Variants in CREB3L2 observed in about 807,000 individuals in gnomAD.
CREB3L2 encodes cyclic AMP-responsive element-binding protein 3-like protein 2.
In CREB3L2, 23 loss-of-function variants were observed where a neutral mutation model predicts 57.2. The ratio of observed to expected loss-of-function variants is 0.40; its 90% CI spans 0.29 to 0.57. The LOEUF is 0.57. CREB3L2 is among the 20% of genes least tolerant of loss of function. The pLI is 0.42. For synonymous variants in CREB3L2, 268 were observed against 265.1 expected, an observed-to-expected ratio of 1.01 and a Z score of -0.11; for missense variants, 628 against 634.7, an observed-to-expected ratio of 0.99 and a Z score of 0.11.
At chr7:137,974,378 G>C (rs1013158009) in intron 1 of CREB3L2, among the ~76,000 whole-genome samples, 1 of 152,218 alleles carries the variant, frequency 6.6e-6, no homozygotes, top group East Asian at 1.9e-4. Flanking sequence ...AGGGAAAAGG[G>C]TGAAAAGAGT....
chr7:137,904,147 A>G, intron 6 of CREB3L2, 130 bp from the exon 7 acceptor site: 1 of 752,940 alleles, frequency 1.3e-6, no homozygotes, highest in East Asian at 2.5e-5. Context: ...CCATTTGTTT[A>G]AGCTGCTGGT....
intron 1 of CREB3L2, among the ~76,000 whole-genome samples, chr7:137,989,893 C>T (rs1563275312): frequency 6.6e-6 from 1 of 152,158 alleles, no homozygotes; most frequent in African/African-American, 2.4e-5. Context: ...TCCAGTCTAA[C>T]CTCCCCTATC....
chr7:137,926,531 G>A (rs1051350735), intron 2 of CREB3L2, among the ~76,000 whole-genome samples: 5 of 152,066 alleles, frequency 3.3e-5, no homozygotes, highest in African/African-American at 1.2e-4. Context: ...TGAACAATGA[G>A]AACACATAGA....
intron 8 of CREB3L2, among the ~76,000 whole-genome samples, chr7:137,886,485 AG>A (rs1355995342): frequency 2.0e-5 from 3 of 151,792 alleles, no homozygotes; most frequent in African/African-American, 4.8e-5. Flanking sequence ...AGAGAGAGAA[AG>A]GAGAGGAAAA....
At chr7:137,934,875 C>T (rs538535897) in intron 1 of CREB3L2, among the ~76,000 whole-genome samples, 1 of 152,316 alleles carries the variant, frequency 6.6e-6, no homozygotes, top group South Asian at 2.1e-4. Context: ...TGTTCTTCAC[C>T]CAGTTCAGAG....
chr7:137,901,248 C>G (rs1190856022), intron 8 of CREB3L2, 106 bp downstream of exon 8: 1 of 753,934 alleles, frequency 1.3e-6, no homozygotes, highest in African/African-American at 1.7e-5. Context: ...TGCACTTTCA[C>G]TGTGACCTCC....
chr7:137,892,559 A>G (rs1799547399), intron 8 of CREB3L2, among the ~76,000 whole-genome samples: 1 of 152,132 alleles, frequency 6.6e-6, no homozygotes, highest in Non-Finnish European at 1.5e-5. Flanking sequence ...CTGAGGAACA[A>G]GAATCGCTTG....
At position 137,922,412 on chromosome 7, in the gene CREB3L2, ATATGTATATATATATATATATATACG is replaced by A. The variant is rs1344528280; in HGVS notation, c.319+5712_319+5737del. On this transcript the variant is annotated intron_variant, in intron 2 of 11. Transcript: ENST00000330387. Reference sequence around the variant, plus strand: ...TATATATATATATATATATATATATATATGTATATATATATATATATATACGTATATATATATATATACACACATAT... The same window carrying A: ...TATATATATATATATATATATATATATATATATATATATATACACACATAT... Among the ~76,000 whole-genome samples, 3 of 29,460 alleles carry A rather than the reference ATATGTATATATATATATATATATACG, an allele frequency of 1.0e-4. 1 individual carries two copies. Among genetic ancestry groups the A allele is most frequent in the African/African-American group, 3.2e-4 (3 of 9,238 alleles). 19.3% of individuals were successfully genotyped at this position (29,460 alleles called of 152,430 possible). A position where few individuals can be genotyped will look rare whatever the true frequency, so the allele number is the denominator to read the frequency against.
At chr7:137,912,878 C>A in intron 4 of CREB3L2, 113 bp downstream of exon 4, 5 of 1,550,268 alleles carry the variant, frequency 3.2e-6, no homozygotes. Context: ...TTTCATAAAG[C>A]CAGCTACAAC....
chr7:137,908,432 T>G lies in CREB3L2; in HGVS notation c.588A>C (p.Pro196=). The change falls in exon 5 of 12, where the codon CCA becomes CCC. Residue 196 remains proline (P), a synonymous_variant. Transcript: ENST00000330387. ...TGGGCGGCAAATGCAGGTGGTCCAC[T>G]GGGGCTGCAAAAAAGGAAGCACATC... The part of the protein sequence containing the change: ...QFLNFSPKEA[P]VDHLHLPPTP... The G allele has an allele frequency of 7.9e-7, 1 of 1,263,356 alleles. No homozygotes were observed. The highest frequency in any genetic ancestry group is 1.0e-6 in the Non-Finnish European group (1 of 996,704). 78.3% of individuals were successfully genotyped at this position (1,263,356 alleles called of 1,614,324 possible).
chr7:137,978,138 T>C (rs1801640466), intron 1 of CREB3L2, among the ~76,000 whole-genome samples: 1 of 151,928 alleles, frequency 6.6e-6, no homozygotes, highest in Non-Finnish European at 1.5e-5. Flanking sequence ...GAGACCAAGA[T>C]AAATAAAAAC....
rs553377482 is a variant in CREB3L2, at chr7:137,975,197, C to T, written c.102+26407G>A. On this transcript the variant is annotated intron_variant, in intron 1 of 11. Transcript: ENST00000330387. Reference sequence around the variant, plus strand: ...CTGACATTAAAAGCTATAGATCAAACTCAACAAGGCCATCAGTTGTACAGA... The same window carrying T: ...CTGACATTAAAAGCTATAGATCAAATTCAACAAGGCCATCAGTTGTACAGA... Among the ~76,000 whole-genome samples the T allele has an allele frequency of 2.0e-5, 3 of 152,254 alleles. No individual in the cohort carries two copies. In the South Asian group the frequency reaches 6.2e-4, roughly 32 times the overall value.
intron 4 of CREB3L2, among the ~76,000 whole-genome samples, chr7:137,912,153 G>A (rs11970829): frequency 0.051 from 7,797 of 152,234 alleles, 470 homozygotes; most frequent in African/African-American, 0.15. Flanking sequence ...GAAGCAGGCG[G>A]ATTGCCTAAG....
chr7:137,967,149 G>C (rs1432101128), intron 1 of CREB3L2, among the ~76,000 whole-genome samples: 1 of 152,208 alleles, frequency 6.6e-6, no homozygotes, highest in Admixed American at 6.5e-5. Context: ...GCAGCTGTCT[G>C]CAAGTCAGGA....
At chr7:137,942,834 C>A (rs1351380061) in intron 1 of CREB3L2, among the ~76,000 whole-genome samples, 19 of 152,122 alleles carry the variant, frequency 1.2e-4, no homozygotes, top group Non-Finnish European at 2.1e-4. Context: ...CTTATTGGAT[C>A]ATGAATAGGA....
intron 1 of CREB3L2, among the ~76,000 whole-genome samples, chr7:137,989,143 A>G (rs116130637): frequency 1.6e-3 from 243 of 152,294 alleles, no homozygotes; most frequent in African/African-American, 5.6e-3. Flanking sequence ...TGTGTTCTAC[A>G]CTTTGTCCAT....
At chr7:137,904,268 C>T (rs1301517967) in intron 6 of CREB3L2, among the ~76,000 whole-genome samples, 2 of 152,184 alleles carry the variant, frequency 1.3e-5, no homozygotes, top group Non-Finnish European at 2.9e-5. Context: ...CAGTGGCTTA[C>T]ACCTGTAATC....
intron 1 of CREB3L2, among the ~76,000 whole-genome samples, chr7:137,961,006 T>A (rs1447038597): frequency 6.6e-6 from 1 of 151,776 alleles, no homozygotes; most frequent in African/African-American, 2.4e-5. Flanking sequence ...GGTTTCACTA[T>A]GTTGGCCAGG....
chr7:137,893,935 A>C (rs1480325207), intron 8 of CREB3L2, among the ~76,000 whole-genome samples: 1 of 152,200 alleles, frequency 6.6e-6, no homozygotes, highest in Non-Finnish European at 1.5e-5. Flanking sequence ...CCAGGTTTGA[A>C]CAGAATTCTT....
Sources: allele counts gnomAD v4.1 joint callset (sites outside exome capture counted in the v4.1 genomes callset), GRCh38; gene constraint gnomAD v4.1.1; transcripts MANE v1.5; gene names NCBI Gene and HGNC (gene_info 2026-07-23, HGNC 2026-07-21).